The following NCKAP1 variants were observed in gnomAD, a reference collection of about 807,000 sequenced individuals.
NCKAP1 encodes NCK associated protein 1, also known as nck-associated protein 1.
A neutral mutation model predicts 151.2 loss-of-function variants in NCKAP1; 21 were observed. The ratio of observed to expected loss-of-function variants is 0.14; its 90% CI spans 0.10 to 0.20. NCKAP1 has a LOEUF of 0.20. Among genes scored for constraint, NCKAP1 ranks in the 10% least tolerant of loss-of-function variants. The pLI is 1.00. For synonymous variants in NCKAP1, 484 were observed against 451.8 expected (o/e 1.07, Z -0.90); for missense variants, 933 against 1,352.1 (o/e 0.69, Z 4.86).
intron 14 of NCKAP1, among the ~76,000 whole-genome samples, chr2:182,977,476 C>A (rs1037258492): frequency 6.6e-5 from 10 of 152,050 alleles, no homozygotes; most frequent in African/African-American, 2.2e-4. Context: ...GGCAACAGAG[C>A]GGGACTGGGT....
chr2:182,969,297 G>C (rs992104704), intron 15 of NCKAP1, among the ~76,000 whole-genome samples: 2 of 152,004 alleles, frequency 1.3e-5, no homozygotes, highest in African/African-American at 4.8e-5. Context: ...TCAACAAGAG[G>C]AACTTCAGAA....
intron 8 of NCKAP1, among the ~76,000 whole-genome samples, chr2:182,991,057 C>T (rs35628169): frequency 0.083 from 12,630 of 152,168 alleles, 661 homozygotes; most frequent in Middle Eastern, 0.15. Flanking sequence ...TGACTTTCCA[C>T]CCTAATATCA....
At chr2:182,950,994 A>G (rs973426824) in intron 23 of NCKAP1, among the ~76,000 whole-genome samples, 1 of 151,902 alleles carries the variant, frequency 6.6e-6, no homozygotes, top group Non-Finnish European at 1.5e-5. Flanking sequence ...CACCACACCC[A>G]GCTAATTTTT....
At chr2:182,988,980 T>G in intron 9 of NCKAP1, 50 bp downstream of exon 9, 1 of 1,522,292 alleles carries the variant, frequency 6.6e-7, no homozygotes, top group Non-Finnish European at 9.0e-7. Flanking sequence ...TAAAGATAAC[T>G]CACTCACCAC....
chr2:182,950,995 G>A (rs540960498), intron 23 of NCKAP1, among the ~76,000 whole-genome samples: 2 of 152,048 alleles, frequency 1.3e-5, no homozygotes, highest in South Asian at 4.2e-4. Flanking sequence ...ACCACACCCA[G>A]CTAATTTTTG....
Position 182,910,217 on chromosome 2 carries a change from T to A in NCKAP1, c.*15485A>T, listed in dbSNP as rs1320996657. ...TGCCTCACTAAACTCTACATCATTTTGGAGTCCAAGTAAACCTGCTGTGGG... is the reference window on the plus strand; with the variant it reads ...TGCCTCACTAAACTCTACATCATTTAGGAGTCCAAGTAAACCTGCTGTGGG... On this transcript the variant is annotated 3_prime_UTR_variant, in exon 31 of 31. Coordinates refer to ENST00000361354, the MANE Select transcript of NCKAP1 (RefSeq NM_013436.5). 1 of 152,218 alleles carries A rather than the reference T, an allele frequency of 6.6e-6. No individual in the cohort carries two copies. The highest frequency in any genetic ancestry group is 2.4e-5 in the African/African-American group (1 of 41,444). 9.4% of individuals were successfully genotyped at this position (152,218 alleles called of 1,614,324 possible). A position where few individuals can be genotyped will look rare whatever the true frequency, so the allele number is the denominator to read the frequency against.
chr2:183,035,922 ACT>A (rs1187106078), intron 1 of NCKAP1, among the ~76,000 whole-genome samples: 2 of 152,174 alleles, frequency 1.3e-5, no homozygotes, highest in Admixed American at 6.5e-5. Flanking sequence ...CAAAAATTAC[ACT>A]GTCCCTGCCC....
At chr2:182,958,300 A>G (rs1228349775) in intron 18 of NCKAP1, among the ~76,000 whole-genome samples, 1 of 152,050 alleles carries the variant, frequency 6.6e-6, no homozygotes, top group Non-Finnish European at 1.5e-5. Context: ...CACCACACCC[A>G]GCTAATTTTA....
At chr2:182,980,895 C>T (rs938939883) in intron 13 of NCKAP1, among the ~76,000 whole-genome samples, 1 of 152,184 alleles carries the variant, frequency 6.6e-6, no homozygotes, top group East Asian at 1.9e-4. Flanking sequence ...AATCTACCAT[C>T]CACACTGAAC....
intron 8 of NCKAP1, among the ~76,000 whole-genome samples, chr2:182,994,359 C>T (rs1010815083): frequency 3.3e-5 from 5 of 151,982 alleles, no homozygotes; most frequent in East Asian, 1.9e-4. Flanking sequence ...ACTACCTGGC[C>T]GGGTGCAGTG....
chr2:183,006,109 C>T (rs931496453), intron 2 of NCKAP1, among the ~76,000 whole-genome samples: 1 of 152,198 alleles, frequency 6.6e-6, no homozygotes, highest in African/African-American at 2.4e-5. Flanking sequence ...GTATCCAATG[C>T]AAACATCTAT....
intron 26 of NCKAP1, among the ~76,000 whole-genome samples, chr2:182,931,159 G>A (rs1278998474): frequency 6.6e-6 from 1 of 151,924 alleles, no homozygotes; most frequent in Non-Finnish European, 1.5e-5. Context: ...TCTCCATAGT[G>A]GTTTAATGAA....
intron 1 of NCKAP1, among the ~76,000 whole-genome samples, chr2:183,033,129 A>T (rs1302366323): frequency 6.6e-6 from 1 of 152,194 alleles, no homozygotes; most frequent in Non-Finnish European, 1.5e-5. Flanking sequence ...AAACACTTAC[A>T]TTAGACTACA....
chr2:183,006,713 C>CT (rs1293866151), intron 2 of NCKAP1, among the ~76,000 whole-genome samples: 2 of 152,136 alleles, frequency 1.3e-5, no homozygotes, highest in Admixed American at 1.3e-4. Flanking sequence ...TTATTAATAT[C>CT]TAGAACCAAG....
chr2:183,016,417 G>C (rs1698688711), intron 2 of NCKAP1, among the ~76,000 whole-genome samples: 1 of 152,122 alleles, frequency 6.6e-6, no homozygotes, highest in Non-Finnish European at 1.5e-5. Flanking sequence ...ACATGTCTAA[G>C]AGTCATTAAC....
rs374279343 is a variant in NCKAP1 at position 182,946,125 on chromosome 2, T to G, written c.2602-3962A>C. ...CTAAACATCAAGTACACATAGATAG[T>G]GCAGTGGCTCACGCCTGTAATCTCA... On this transcript the variant is annotated intron_variant, in intron 23 of 30. Transcript: ENST00000361354. 1.5e-4 allele frequency among the ~76,000 whole-genome samples: 23 copies of G among 152,220 alleles called. No individual in the cohort carries two copies. The South Asian group carries it at 4.6e-3, about 30-fold the overall frequency.
chr2:182,936,179 G>A (rs1696871066), intron 24 of NCKAP1, among the ~76,000 whole-genome samples: 2 of 151,960 alleles, frequency 1.3e-5, no homozygotes, highest in Admixed American at 1.3e-4. Flanking sequence ...GATCCTTTGA[G>A]TTCAGGAATC....
intron 27 of NCKAP1, among the ~76,000 whole-genome samples, chr2:182,930,325 C>T (rs1205533368): frequency 6.6e-6 from 1 of 151,958 alleles, no homozygotes; most frequent in Non-Finnish European, 1.5e-5. Flanking sequence ...GGAAGCTACC[C>T]TTTCCTGGTT....
rs528577578 is a variant in NCKAP1 at position 183,016,446 on chromosome 2, T to C, written c.219+7360A>G. ...CATTAACAACTCAATACTGATGATA[T>C]CTTTTTAAAAGAACATTGACATTTC... On this transcript the variant is annotated intron_variant, in intron 2 of 30. Coordinates refer to ENST00000361354, the MANE Select transcript of NCKAP1 (RefSeq NM_013436.5). 2.4e-3 allele frequency among the ~76,000 whole-genome samples: 365 copies of C among 152,360 alleles called. 1 individual carries two copies. Among genetic ancestry groups the C allele is most frequent in the Non-Finnish European group, 4.1e-3 (277 of 68,030 alleles).
Sources: allele counts gnomAD v4.1 joint callset (sites outside exome capture counted in the v4.1 genomes callset), GRCh38; gene constraint gnomAD v4.1.1; transcripts MANE v1.5; gene names NCBI Gene and HGNC (gene_info 2026-07-23, HGNC 2026-07-21).